The following SLC45A3 variants were observed in gnomAD, a reference collection of about 807,000 sequenced individuals.
SLC45A3 encodes the protein solute carrier family 45 member 3.
SLC45A3 carries 17 observed loss-of-function variants against 35.3 expected under a neutral mutation model. The ratio of observed to expected loss-of-function variants is 0.48; its 90% confidence interval spans 0.33 to 0.72. The LOEUF (loss-of-function observed/expected upper bound fraction) is 0.72, where lower values mean the gene tolerates loss of function less well. Ranked by LOEUF, SLC45A3 falls within the 30% of genes least tolerant of loss-of-function variation. SLC45A3 has a pLI of 0.02. For synonymous variants in SLC45A3, 288 were observed against 334.3 expected (o/e 0.86, Z 1.51); for missense variants, 597 against 731.7 (o/e 0.82, Z 2.12).
At chr1:205,678,309 C>T (rs1276871450) in intron 1 of SLC45A3, among the ~76,000 whole-genome samples, 1 of 152,160 alleles carries the variant, frequency 6.6e-6, no homozygotes, top group Non-Finnish European at 1.5e-5. Context: ...AAGAGTGAAA[C>T]TTCGTCTAAA....
intron 1 of SLC45A3, among the ~76,000 whole-genome samples, chr1:205,671,997 G>T (rs1187388644): frequency 6.6e-6 from 1 of 152,136 alleles, no homozygotes; most frequent in South Asian, 2.1e-4. Context: ...CGATGAGGTG[G>T]GTACAATTAG....
chr1:205,674,602 CAAAAA>C (rs57508315), intron 1 of SLC45A3, among the ~76,000 whole-genome samples: 14 of 95,456 alleles, frequency 1.5e-4, no homozygotes, highest in African/African-American at 5.0e-4. Context: ...GATGCTGTTT[CAAAAA>C]AAAAAAAAAA....
rs1206904247 is a variant in SLC45A3, at chr1:205,658,244, G to C, written c.*990C>G. ...AGAGAGAGTAGAGGGGAGTGGAAGT[G>C]GGGGGAACCAGGCTGGGCCAAGAGA... is the stretch of plus-strand genomic sequence containing the variant. On this transcript the variant is annotated 3_prime_UTR_variant, in exon 5 of 5. Transcript: ENST00000367145. 3 of 232,622 alleles carry C rather than the reference G, an allele frequency of 1.3e-5. No homozygotes were observed. The highest frequency in any genetic ancestry group is 3.6e-4 in the South Asian group (2 of 5,536). The allele number at this position is 232,622 out of a possible 1,614,324, so 14.4% of individuals were successfully genotyped here.
intron 1 of SLC45A3, among the ~76,000 whole-genome samples, chr1:205,678,491 C>T (rs148712875): frequency 2.6e-5 from 4 of 152,108 alleles, no homozygotes; most frequent in Non-Finnish European, 5.9e-5. Flanking sequence ...TGGAGAGAGG[C>T]CTCCACTATC....
Position 205,658,365 on chromosome 1 carries a change from T to C in SLC45A3, c.*869A>G, listed in dbSNP as rs1230954974. On this transcript the variant is annotated 3_prime_UTR_variant, in exon 5 of 5. Transcript: ENST00000367145. ...GGGTAACAGCATTTGGAATTATCAT[T>C]TGGGATGAGTAGAATTTCCAAGGTC... The C allele has an allele frequency of 4.3e-6, 1 of 232,346 alleles. No homozygotes were observed. Among genetic ancestry groups the C allele is most frequent in the Non-Finnish European group, 8.5e-6 (1 of 117,576 alleles). The allele number at this position is 232,346 out of a possible 1,614,324, so 14.4% of individuals were successfully genotyped here. A position where few individuals can be genotyped will look rare whatever the true frequency, so the allele number is the denominator to read the frequency against.
intron 1 of SLC45A3, among the ~76,000 whole-genome samples, chr1:205,680,015 GCCGGTCCGCCAGCCGTCGGCCCGGC>G (rs1671377402): frequency 1.4e-5 from 2 of 142,672 alleles, no homozygotes; most frequent in Admixed American, 7.2e-5. Flanking sequence ...GGAGCCAGCG[GCCGGTCCGCCAGCCGTCGGCCCGGC>G]CCGGTCCGGC....
At chr1:205,680,236 T>G (rs1395477361) in intron 1 of SLC45A3, among the ~76,000 whole-genome samples, 158 bp downstream of exon 1, 1 of 151,830 alleles carries the variant, frequency 6.6e-6, no homozygotes, top group African/African-American at 2.4e-5. Context: ...CCTCTGGGAT[T>G]CGCGCGGGGC....
intron 1 of SLC45A3, among the ~76,000 whole-genome samples, chr1:205,668,306 CTCG>C (rs1440632523): frequency 6.6e-6 from 1 of 152,120 alleles, no homozygotes; most frequent in Non-Finnish European, 1.5e-5. Flanking sequence ...AGTCCAGCTG[CTCG>C]CCATCCCCGC....
rs926390892 is a variant in SLC45A3, at chr1:205,662,223, C to T, written c.959-97G>A. ...GGCGGAACCACAGGTACCTGCTGCA[C>T]GAGACCTGCTGTGGACCAGCCCTGC... On this transcript the variant is annotated intron_variant, in intron 3 of 4. Transcript: ENST00000367145. The surrounding 1 kb of genome is among the most constrained non-coding windows in gnomAD (Gnocchi z 6.2). 133 of 1,484,264 alleles carry T rather than the reference C, an allele frequency of 9.0e-5. No homozygotes were observed. Among genetic ancestry groups the T allele is most frequent in the East Asian group, 1.5e-4 (6 of 40,790 alleles). 91.9% of individuals were successfully genotyped at this position (1,484,264 alleles called of 1,614,324 possible). A position where few individuals can be genotyped will look rare whatever the true frequency, so the allele number is the denominator to read the frequency against.
chr1:205,674,423 C>G lies in SLC45A3; in HGVS notation c.-231+5971G>C, dbSNP rs954845062. On this transcript the variant is annotated intron_variant, in intron 1 of 4. Transcript: ENST00000367145. ...GCAACATGGTAAAACCTCATCTCTA[C>G]TAAAAATACAAAAATTAGCTGGGTG... Among the ~76,000 whole-genome samples the G allele has an allele frequency of 1.9e-4, 29 of 151,486 alleles. 1 individual carries two copies. The highest frequency in any genetic ancestry group is 5.9e-5 in the Non-Finnish European group (4 of 67,884).
At position 205,664,422 on chromosome 1, in the gene SLC45A3, C is replaced by A. The variant is rs1671084035; in HGVS notation, c.172+63G>T. On this transcript the variant is annotated intron_variant, in intron 2 of 4. Transcript: ENST00000367145. The surrounding 1 kb of genome is among the most constrained non-coding windows in gnomAD (Gnocchi z 5.3). ...AAGCAGCTCCCAGGGCAGAGGTACT[C>A]CTGTCCCACATGCCAGGTGGCATGT... 3 of 1,590,784 alleles carry A rather than the reference C, an allele frequency of 1.9e-6. No homozygotes were observed. The South Asian group carries it at 3.5e-5, about 18-fold the overall frequency.
chr1:205,678,313 G>A (rs760120503), intron 1 of SLC45A3, among the ~76,000 whole-genome samples: 9 of 152,120 alleles, frequency 5.9e-5, no homozygotes, highest in Non-Finnish European at 8.8e-5. Context: ...GTGAAACTTC[G>A]TCTAAAAAAA....
intron 1 of SLC45A3, among the ~76,000 whole-genome samples, chr1:205,665,535 T>C (rs570284045): frequency 6.6e-6 from 1 of 152,208 alleles, no homozygotes; most frequent in South Asian, 2.1e-4. Flanking sequence ...GAAGAAACAA[T>C]CCCTCACATG....
At chr1:205,673,322 G>A (rs1671248560) in intron 1 of SLC45A3, among the ~76,000 whole-genome samples, 1 of 152,168 alleles carries the variant, frequency 6.6e-6, no homozygotes, top group African/African-American at 2.4e-5. Context: ...CATGGAGGGG[G>A]AAGAGGGAGC....
chr1:205,670,460 G>A (rs1671191567), intron 1 of SLC45A3, among the ~76,000 whole-genome samples: 1 of 152,172 alleles, frequency 6.6e-6, no homozygotes, highest in African/African-American at 2.4e-5. Context: ...AGGGGAACCT[G>A]AGGACCCCAC....
At position 205,663,062 on chromosome 1, in the gene SLC45A3, T is replaced by G; in HGVS notation, c.729A>C (p.Pro243=). 1 of 1,606,552 alleles carries G rather than the reference T, an allele frequency of 6.2e-7. No individual in the cohort carries two copies. Among genetic ancestry groups the G allele is most frequent in the Non-Finnish European group, 8.5e-7 (1 of 1,175,502 alleles). ...SAPSLSPHCC[P]CRARLAFRNL... The stretch of plus-strand genomic sequence containing the variant: ...TCCGGAAAGCCAAGCGGGCCCGGCA[T>G]GGACAGCAGTGGGGCGACAAGGAGG... The change falls in exon 3 of 5, where the codon CCA becomes CCC. Residue 243 remains proline (P), a synonymous_variant. Transcript: ENST00000367145.
intron 1 of SLC45A3, among the ~76,000 whole-genome samples, chr1:205,678,801 G>A (rs1221811017): frequency 6.6e-6 from 1 of 152,272 alleles, no homozygotes; most frequent in African/African-American, 2.4e-5. Flanking sequence ...AGGCCTGGTG[G>A]GAGGAGATAA....
chr1:205,659,312 T>C lies in SLC45A3; in HGVS notation c.1584A>G (p.Ala528=). 1.9e-6 allele frequency: 3 copies of C among 1,614,140 alleles called. No individual in the cohort carries two copies. Among genetic ancestry groups the C allele is most frequent in the Non-Finnish European group, 2.5e-6 (3 of 1,180,022 alleles). Reference sequence around the variant, plus strand: ...AGTAAATGGCGACCAGACCCAGGCCTGCGGCAGACACCATATAGGCAGTGA... The same window carrying C: ...AGTAAATGGCGACCAGACCCAGGCCCGCGGCAGACACCATATAGGCAGTGA... ...QSVTAYMVSA[A]GLGLVAIYFA... Residue 528 remains alanine, a synonymous_variant, in exon 5 of 5, where the codon GCA becomes GCG. Transcript: ENST00000367145. The surrounding 1 kb of genome is among the most constrained non-coding windows in gnomAD (Gnocchi z 5.8).
Position 205,659,566 on chromosome 1 carries a change from C to T in SLC45A3, c.1330G>A (p.Gly444Arg). 1 of 1,598,850 alleles carries T rather than the reference C, an allele frequency of 6.3e-7. No individual in the cohort carries two copies. Among genetic ancestry groups the T allele is most frequent in the South Asian group, 1.1e-5 (1 of 88,150 alleles). ...GPKPGAPFPN[G>R]HVGAGGSGLL... ...CCACTGCCTCCAGCACCCACGTGTCCATTAGGGAAGGGAGCTCCAGGCTTA... is the reference window on the plus strand; with the variant it reads ...CCACTGCCTCCAGCACCCACGTGTCTATTAGGGAAGGGAGCTCCAGGCTTA... The change falls in exon 5 of 5, where the codon GGA becomes AGA. Residue 444 changes from glycine to arginine, a missense_variant. Around this residue, in one of 3 missense-constraint regions of SLC45A3, gnomAD observed 555 missense variants for 664.9 expected, o/e 0.83. Coordinates refer to ENST00000367145, the MANE Select transcript of SLC45A3 (RefSeq NM_033102.3). The surrounding 1 kb of genome is among the most constrained non-coding windows in gnomAD (Gnocchi z 5.8).
Sources: gnomAD v4.1 joint callset for allele counts (sites outside exome capture counted in the v4.1 genomes callset) on GRCh38, gnomAD v4.1.1 for gene constraint, gnomAD v4.1.1 regional missense constraint, Gnocchi (gnomAD v3.1) non-coding constraint, MANE v1.5 for transcripts, NCBI Gene and HGNC (gene_info 2026-07-23, HGNC 2026-07-21) for gene names.